The following FER1L5 variants were observed in gnomAD, a reference collection of about 807,000 sequenced individuals.
The protein encoded by FER1L5 is fer-1 like family member 5, also known as fer-1-like protein 5.
Under a neutral mutation model 279.9 loss-of-function variants are expected in FER1L5, and 187 were observed. The observed-to-expected ratio is 0.67, with a 90% CI of 0.59 to 0.75. FER1L5 has a LOEUF of 0.75. FER1L5 is among the 30% of genes least tolerant of loss of function. FER1L5 has a pLI of 0.00. For synonymous variants in FER1L5, 921 were observed against 989.7 expected (o/e 0.93, Z 1.30); for missense variants, 2,091 against 2,594.4 (o/e 0.81, Z 4.21).
At position 96,689,477 on chromosome 2, in the gene FER1L5, T is replaced by C; in HGVS notation, c.2525+101T>C. 1 of 1,512,370 alleles carries C rather than the reference T, an allele frequency of 6.6e-7. No homozygotes were observed. The allele number at this position is 1,512,370 out of a possible 1,614,324, so 93.7% of individuals were successfully genotyped here. ...ATGGGTACCTAGCCCCTAAGCCTGG[T>C]GCCAGAGGGCCGAGGTGCACCAGGC... On this transcript the variant is annotated intron_variant, in intron 25 of 52. Coordinates refer to ENST00000624922, the MANE Select transcript of FER1L5 (RefSeq NM_001293083.2). The surrounding 1 kb of genome is among the most constrained non-coding windows in gnomAD (Gnocchi z 4.6).
chr2:96,677,603 C>A (rs1421546725), intron 19 of FER1L5, among the ~76,000 whole-genome samples: 9 of 152,020 alleles, frequency 5.9e-5, no homozygotes, highest in Admixed American at 3.3e-4. Context: ...CGGTGGCTCA[C>A]TCCTGTAATC....
chr2:96,656,748 C>CTT (rs749398039), intron 9 of FER1L5, among the ~76,000 whole-genome samples: 2 of 140,702 alleles, frequency 1.4e-5, no homozygotes, highest in Non-Finnish European at 3.1e-5. Flanking sequence ...CCCACTTCCT[C>CTT]TTTTTTTTTT....
Position 96,646,398 on chromosome 2 carries a change from C to T in FER1L5, c.86-3C>T, listed in dbSNP as rs1305790695. The stretch of plus-strand genomic sequence containing the variant: ...CAATGCCAGCCTCTTGGTTTCTTTG[C>T]AGATATCAAGAAAAGAACTCGTGTG... On this transcript the variant is annotated splice_polypyrimidine_tract_variant and splice_region_variant and intron_variant, in intron 1 of 52. Transcript: ENST00000624922. 2 of 1,551,430 alleles carry T rather than the reference C, an allele frequency of 1.3e-6. No homozygotes were observed. Among genetic ancestry groups the T allele is most frequent in the African/African-American group, 1.4e-5 (1 of 73,028 alleles).
intron 6 of FER1L5, 82 bp downstream of exon 6, chr2:96,650,371 C>T: frequency 8.5e-7 from 1 of 1,179,182 alleles, no homozygotes; most frequent in Non-Finnish European, 1.2e-6. Context: ...TCACCCCTCC[C>T]CAAGGTCATG....
rs933857406 is a variant in FER1L5, at chr2:96,687,973, C to G, written c.2361+26C>G. ...GTGAGTGGTGAGCGGCAGCCCAAGG[C>G]CAGGGCAGGCACGCGGGGGTGGGGG... On this transcript the variant is annotated intron_variant, in intron 24 of 52. Coordinates refer to ENST00000624922, the MANE Select transcript of FER1L5 (RefSeq NM_001293083.2). 7.4e-5 allele frequency: 115 copies of G among 1,549,838 alleles called. 1 individual carries two copies. The highest frequency in any genetic ancestry group is 8.9e-5 in the Non-Finnish European group (102 of 1,146,242).
At chr2:96,655,349 T>A (rs1381483541) in intron 9 of FER1L5, among the ~76,000 whole-genome samples, 3 of 152,216 alleles carry the variant, frequency 2.0e-5, no homozygotes, top group African/African-American at 7.2e-5. Flanking sequence ...AAATACAGGA[T>A]GCCTGGTTAC....
chr2:96,685,310 T>C lies in FER1L5; in HGVS notation c.1795-19T>C, dbSNP rs1249614115. On this transcript the variant is annotated intron_variant, in intron 20 of 52. Coordinates refer to ENST00000624922, the MANE Select transcript of FER1L5 (RefSeq NM_001293083.2). ...CATGCTGAGGCGGGCTCTCTCACCA[T>C]TTCTCTCCTGCTGGGCAGAAAGCCA... The C allele has an allele frequency of 7.1e-6, 11 of 1,550,414 alleles. No homozygotes were observed. The East Asian group carries it at 1.5e-4, about 21-fold the overall frequency.
rs1280889174 is a variant in FER1L5 at position 96,702,974 on chromosome 2, C to T, written c.5398-4C>T. 5 of 1,610,284 alleles carry T rather than the reference C, an allele frequency of 3.1e-6. No homozygotes were observed. Among genetic ancestry groups the T allele is most frequent in the Non-Finnish European group, 4.2e-6 (5 of 1,178,368 alleles). The stretch of plus-strand genomic sequence containing the variant: ...GGTAACACGCCCTTCCGCCATTTCC[C>T]CAGGATTACATATGGAGCCTGGATG... On this transcript the variant is annotated splice_region_variant and splice_polypyrimidine_tract_variant and intron_variant, in intron 48 of 52. Transcript: ENST00000624922. The surrounding 1 kb of genome is among the most constrained non-coding windows in gnomAD (Gnocchi z 4.0).
Position 96,643,538 on chromosome 2 carries a change from C to T in FER1L5, c.85+617C>T, listed in dbSNP as rs148742701. ...CTGATTTTTGTCATTTTAATAGAGA[C>T]GGGGTTTCACCATATTGGTCAGGCT... On this transcript the variant is annotated intron_variant, in intron 1 of 52. Coordinates refer to ENST00000624922, the MANE Select transcript of FER1L5 (RefSeq NM_001293083.2). Among the ~76,000 whole-genome samples, 1,134 of 151,920 alleles carry T rather than the reference C, an allele frequency of 7.5e-3. 16 individuals are homozygous for T. Among genetic ancestry groups the T allele is most frequent in the African/African-American group, 0.026 (1,075 of 41,438 alleles).
At chr2:96,676,453 C>T (rs142678727) in intron 19 of FER1L5, among the ~76,000 whole-genome samples, 245 of 152,264 alleles carry the variant, frequency 1.6e-3, no homozygotes, top group Non-Finnish European at 2.6e-3. Context: ...AAGCGTGAGC[C>T]GCTGGGCCCG....
chr2:96,648,561 A>G (rs1259704663), intron 4 of FER1L5, among the ~76,000 whole-genome samples: 3 of 152,180 alleles, frequency 2.0e-5, no homozygotes, highest in African/African-American at 7.2e-5. Flanking sequence ...GGAAGTGGGG[A>G]CAAAAATTAA....
At chr2:96,700,651 G>A (rs1178762562) in intron 45 of FER1L5, among the ~76,000 whole-genome samples, 180 bp downstream of exon 45, 1 of 152,198 alleles carries the variant, frequency 6.6e-6, no homozygotes, top group Admixed American at 6.5e-5. Context: ...TTCTGGTGGT[G>A]TCACTTAGAA....
intron 18 of FER1L5, among the ~76,000 whole-genome samples, chr2:96,670,457 G>T (rs2076282666): frequency 6.6e-6 from 1 of 152,108 alleles, no homozygotes; most frequent in Non-Finnish European, 1.5e-5. Context: ...GGACCCTGAT[G>T]GAAAAGATAA....
chr2:96,658,517 G>T (rs1295720130), intron 9 of FER1L5, among the ~76,000 whole-genome samples: 1 of 152,068 alleles, frequency 6.6e-6, no homozygotes, highest in Non-Finnish European at 1.5e-5. Flanking sequence ...CTCCCAAAGT[G>T]CTGGGATTAC....
At position 96,686,163 on chromosome 2, in the gene FER1L5, G is replaced by T. The variant is rs533924482; in HGVS notation, c.2074-32G>T. 1.5e-5 allele frequency: 23 copies of T among 1,547,558 alleles called. No homozygotes were observed. The East Asian group carries it at 3.2e-4, about 21-fold the overall frequency. On this transcript the variant is annotated intron_variant, in intron 22 of 52. Transcript: ENST00000624922. ...CCTGCAGCAGGGCTGGGAGCCAGCC[G>T]CGCAGGGCCTGACATTCTCCCACCT...
intron 39 of FER1L5, 23 bp downstream of exon 39, chr2:96,697,784 GA>G: frequency 1.9e-6 from 3 of 1,611,558 alleles, no homozygotes; most frequent in Non-Finnish European, 2.5e-6. Flanking sequence ...GAAGAAATGG[GA>G]TGGAATCAAA....
rs2153298746 is a variant in FER1L5, at chr2:96,694,673, G to T, written c.3741+209G>T. On this transcript the variant is annotated intron_variant, in intron 34 of 52. Transcript: ENST00000624922. The surrounding 1 kb of genome is among the most constrained non-coding windows in gnomAD (Gnocchi z 4.6). ...TTTTACCACAAACCTCTGCAGTGAGGAGTAGGCAAAGGGCTGTAGCATGCA... is the reference window on the plus strand; with the variant it reads ...TTTTACCACAAACCTCTGCAGTGAGTAGTAGGCAAAGGGCTGTAGCATGCA... 2.2e-6 allele frequency: 1 copy of T among 460,206 alleles called. No individual in the cohort carries two copies. Among genetic ancestry groups the T allele is most frequent in the South Asian group, 5.2e-5 (1 of 19,124 alleles). The allele number at this position is 460,206 out of a possible 1,614,324, so 28.5% of individuals were successfully genotyped here. A position where few individuals can be genotyped will look rare whatever the true frequency, so the allele number is the denominator to read the frequency against.
Position 96,697,713 on chromosome 2 carries a change from T to G in FER1L5, c.4188T>G (p.Asp1396Glu). 1 of 1,614,010 alleles carries G rather than the reference T, an allele frequency of 6.2e-7. No homozygotes were observed. Among genetic ancestry groups the G allele is most frequent in the Non-Finnish European group, 8.5e-7 (1 of 1,179,892 alleles). ...DWWSKLFWAT[D>E]EHKSLKYKYK... ...GGAGCAAGCTGTTCTGGGCCACAGA[T>G]GAGCACAAGTCCCTGAAGTACAAGT... is the stretch of plus-strand genomic sequence containing the variant. Residue 1396 changes from aspartate (D) to glutamate (E), a missense_variant, in exon 39 of 53, where the codon GAT becomes GAG. Transcript: ENST00000624922.
chr2:96,674,624 C>T (rs2076446342), intron 19 of FER1L5, among the ~76,000 whole-genome samples: 1 of 151,994 alleles, frequency 6.6e-6, no homozygotes, highest in Non-Finnish European at 1.5e-5. Flanking sequence ...AGCATGTCTA[C>T]TTGATTTTAG....
Sources: gnomAD v4.1 joint callset for allele counts (sites outside exome capture counted in the v4.1 genomes callset) on GRCh38, gnomAD v4.1.1 for gene constraint, Gnocchi (gnomAD v3.1) non-coding constraint, MANE v1.5 for transcripts, NCBI Gene and HGNC (gene_info 2026-07-23, HGNC 2026-07-21) for gene names.